Variants in ZNF547 observed in about 807,000 individuals in gnomAD.
The protein encoded by ZNF547 is zinc finger protein 547.
Under a neutral mutation model 7.7 loss-of-function variants are expected in ZNF547, and 4 were observed. The observed-to-expected ratio is 0.52, with a 90% confidence interval of 0.26 to 1.20. ZNF547 has a LOEUF of 1.20. Among genes scored for constraint, ZNF547 ranks in the 50% most tolerant of loss-of-function variants. The pLI, the probability that ZNF547 is intolerant of heterozygous loss-of-function variation, is 0.14. For missense variants in ZNF547, 449 were observed against 485.8 expected (o/e 0.92, Z 0.71); for synonymous variants, 166 against 166.2 (o/e 1.00, Z 0.01).
chr19:57,377,157 G>C lies in ZNF547; in HGVS notation c.181G>C (p.Ala61Pro). The C allele has an allele frequency of 6.2e-7, 1 of 1,613,880 alleles. No individual in the cohort carries two copies. The highest frequency in any genetic ancestry group is 8.5e-7 in the Non-Finnish European group (1 of 1,179,818). Residue 61 changes from alanine (A) to proline (P), a missense_variant, in exon 4 of 4, where the codon GCA (alanine) becomes CCA (proline). Ala to Pro is a conservative substitution (Grantham distance 27, BLOSUM62 -1). Coordinates refer to ENST00000282282, the MANE Select transcript of ZNF547 (RefSeq NM_173631.4). ...GCCHGAEDEE[A>P]PLEPGVSVGV... ...TTGCCATGGAGCTGAGGATGAGGAG[G>C]CACCTTTAGAGCCAGGTGTTTCTGT... is the stretch of plus-strand genomic sequence containing the variant.
At chr19:57,372,429 T>C (rs1297608955) in intron 3 of ZNF547, among the ~76,000 whole-genome samples, 3 of 152,210 alleles carry the variant, frequency 2.0e-5, no homozygotes, top group Non-Finnish European at 4.4e-5. Context: ...AGGACTGGTC[T>C]CTTTCAGGTC....
Position 57,378,348 on chromosome 19 carries a change from A to G in ZNF547, c.*163A>G. The G allele has an allele frequency of 1.3e-6, 1 of 748,644 alleles. No homozygotes were observed. Among genetic ancestry groups the G allele is most frequent in the Non-Finnish European group, 2.3e-6 (1 of 433,244 alleles). 46.4% of individuals were successfully genotyped at this position (748,644 alleles called of 1,614,324 possible). A position where few individuals can be genotyped will look rare whatever the true frequency, so the allele number is the denominator to read the frequency against. On this transcript the variant is annotated 3_prime_UTR_variant, in exon 4 of 4. Transcript: ENST00000282282. The stretch of plus-strand genomic sequence containing the variant: ...ATGTATCAGAGAATTCACACTGCAG[A>G]AATGTGTGTTCAGCAAACTCGGGAC...
chr19:57,364,449 AG>A, intron 1 of ZNF547: 1 of 226,460 alleles, frequency 4.4e-6, no homozygotes, highest in Non-Finnish European at 8.9e-6. Flanking sequence ...ATTCTTCAAA[AG>A]AATAGAGGGT....
chr19:57,364,562 G>A, intron 1 of ZNF547: 3 of 501,578 alleles, frequency 6.0e-6, no homozygotes, highest in Non-Finnish European at 1.1e-5. Context: ...CCAACATGGT[G>A]AAACCCCGTC....
rs540717047 is a variant in ZNF547, at chr19:57,365,641, G to C, written c.-13+1938G>C. ...CTGCCTCAGCCTCCCGAGTAGCTGG[G>C]ATTACAGGCTCCCACCACCATGCCT... On this transcript the variant is annotated intron_variant, in intron 1 of 3. Transcript: ENST00000282282. 4.8e-4 allele frequency among the ~76,000 whole-genome samples: 72 copies of C among 151,172 alleles called. No individual in the cohort carries two copies. In the East Asian group the frequency reaches 0.012, roughly 25 times the overall value.
chr19:57,377,743 T>C lies in ZNF547; in HGVS notation c.767T>C (p.Ile256Thr), dbSNP rs766005696. The C allele has an allele frequency of 1.2e-6, 2 of 1,614,160 alleles. No individual in the cohort carries two copies. Among genetic ancestry groups the C allele is most frequent in the Non-Finnish European group, 1.7e-6 (2 of 1,180,018 alleles). Reference protein sequence around the residue: ...GKLFMWSSTLITHQRVHTGKR... With the variant: ...GKLFMWSSTLTTHQRVHTGKR... The stretch of plus-strand genomic sequence containing the variant: ...TTGTTTATGTGGAGTTCCACACTCA[T>C]TACACATCAGAGGGTTCACACTGGA... The change falls in exon 4 of 4, where the codon ATT becomes ACT. Residue 256 changes from isoleucine to threonine, a missense_variant. Physicochemically the swap from Ile to Thr is moderately conservative, Grantham distance 89. Transcript: ENST00000282282.
At chr19:57,372,914 T>A (rs562873278) in intron 3 of ZNF547, among the ~76,000 whole-genome samples, 1 of 152,312 alleles carries the variant, frequency 6.6e-6, no homozygotes, top group African/African-American at 2.4e-5. Context: ...TGCAGAGAAG[T>A]GACTTGGAGA....
In ZNF547 at chr19:57,378,615, G is replaced by C; in HGVS notation, c.*430G>C. The C allele has an allele frequency of 5.5e-6, 2 of 362,222 alleles. No homozygotes were observed. The highest frequency in any genetic ancestry group is 5.4e-6 in the Non-Finnish European group (1 of 185,858). 22.4% of individuals were successfully genotyped at this position (362,222 alleles called of 1,614,324 possible). A position where few individuals can be genotyped will look rare whatever the true frequency, so the allele number is the denominator to read the frequency against. On this transcript the variant is annotated 3_prime_UTR_variant, in exon 4 of 4. Coordinates refer to ENST00000282282, the MANE Select transcript of ZNF547 (RefSeq NM_173631.4). ...TGGAAAAAGGCCACGTATGTGCCTT[G>C]AATGTAGCCAAAATGACGAACAACA...
At position 57,371,771 on chromosome 19, in the gene ZNF547, C is replaced by A. The variant is rs749494159; in HGVS notation, c.25-11C>A. 3 of 1,602,304 alleles carry A rather than the reference C, an allele frequency of 1.9e-6. No individual in the cohort carries two copies. The South Asian group carries it at 3.4e-5, about 18-fold the overall frequency. Reference sequence around the variant, plus strand: ...AAGCTGCTCATGTATTCATCTTTCCCAATTTGGCAGGGTCATGTGGTTTTT... The same window carrying A: ...AAGCTGCTCATGTATTCATCTTTCCAAATTTGGCAGGGTCATGTGGTTTTT... On this transcript the variant is annotated splice_polypyrimidine_tract_variant and intron_variant, in intron 2 of 3. Transcript: ENST00000282282.
chr19:57,375,840 C>G (rs1336333878), intron 3 of ZNF547, among the ~76,000 whole-genome samples: 3 of 151,850 alleles, frequency 2.0e-5, no homozygotes, highest in Non-Finnish European at 4.4e-5. Flanking sequence ...GGAGTGAGTG[C>G]AAGCAGGGGA....
chr19:57,376,971 C>T (rs1394462185), intron 3 of ZNF547, among the ~76,000 whole-genome samples, 157 bp from the exon 4 acceptor site: 1 of 152,160 alleles, frequency 6.6e-6, no homozygotes, highest in African/African-American at 2.4e-5. Context: ...CCTGCCTGCT[C>T]AGCTGTTAGT....
chr19:57,364,770 C>T (rs2088451239), intron 1 of ZNF547: 7 of 1,384,986 alleles, frequency 5.1e-6, no homozygotes, highest in Admixed American at 3.9e-5. Context: ...GGGTCTCTTC[C>T]GCGGAAACTG....
At position 57,379,228 on chromosome 19, in the gene ZNF547, C is replaced by CT. The variant is rs1426314818; in HGVS notation, c.*1046dup. ...CTGCTGGATCACATGGTACTTCTAA[C>CT]TTTAATTCTTTGATGAACTGAGAAA... On this transcript the variant is annotated 3_prime_UTR_variant, in exon 4 of 4. Transcript: ENST00000282282. 6.6e-6 allele frequency: 1 copy of CT among 152,222 alleles called. No individual in the cohort carries two copies. The highest frequency in any genetic ancestry group is 1.5e-5 in the Non-Finnish European group (1 of 68,070). 9.4% of individuals were successfully genotyped at this position (152,222 alleles called of 1,614,324 possible). A position where few individuals can be genotyped will look rare whatever the true frequency, so the allele number is the denominator to read the frequency against.
chr19:57,364,766 C>T, intron 1 of ZNF547: 1 of 1,364,610 alleles, frequency 7.3e-7, no homozygotes, highest in Non-Finnish European at 1.0e-6. Flanking sequence ...GCGCGGGTCT[C>T]TTCCGCGGAA....
intron 1 of ZNF547, among the ~76,000 whole-genome samples, chr19:57,367,879 C>G (rs1293773206): frequency 6.6e-6 from 1 of 152,234 alleles, no homozygotes; most frequent in East Asian, 1.9e-4. Context: ...CAAGGTCTGC[C>G]AGCAAGCTCC....
At chr19:57,372,699 T>C (rs1249172990) in intron 3 of ZNF547, among the ~76,000 whole-genome samples, 1 of 152,252 alleles carries the variant, frequency 6.6e-6, no homozygotes, top group East Asian at 1.9e-4. Context: ...AATCCCTGGC[T>C]TCCAGCCGTT....
intron 2 of ZNF547, 91 bp downstream of exon 2, chr19:57,368,670 C>CTCTTTCT (rs2088486174): frequency 1.6e-6 from 2 of 1,233,258 alleles, no homozygotes; most frequent in Admixed American, 3.6e-5. Flanking sequence ...TCCAGAGACT[C>CTCTTTCT]TCTTTCTGTC....
At chr19:57,364,610 G>T (rs1306134569) in intron 1 of ZNF547, 5 of 586,416 alleles carry the variant, frequency 8.5e-6, no homozygotes, top group African/African-American at 1.9e-5. Context: ...GGGTGGTGAC[G>T]CGCGCCTGTA....
intron 2 of ZNF547, among the ~76,000 whole-genome samples, chr19:57,369,074 C>T (rs1290648691): frequency 1.3e-5 from 2 of 152,052 alleles, no homozygotes; most frequent in African/African-American, 2.4e-5. Flanking sequence ...CAGAAGAGGG[C>T]AGTGATAGGA....
Sources: allele counts gnomAD v4.1 joint callset (sites outside exome capture counted in the v4.1 genomes callset), GRCh38; gene constraint gnomAD v4.1.1; transcripts MANE v1.5; gene names NCBI Gene and HGNC (gene_info 2026-07-23, HGNC 2026-07-21).